The following FHIT variants were observed in gnomAD, a reference collection of about 807,000 sequenced individuals.
FHIT encodes bis(5'-adenosyl)-triphosphatase.
A neutral mutation model predicts 17.9 loss-of-function variants in FHIT; 19 were observed. The ratio of observed to expected loss-of-function variants is 1.06; its 90% CI spans 0.74 to 1.56. FHIT has a LOEUF of 1.56. Ranked by LOEUF, FHIT falls within the 40% of genes most tolerant of loss-of-function variation. FHIT has a pLI of 0.00. For missense variants in FHIT, 248 were observed against 189.2 expected, an observed-to-expected ratio of 1.31 and a Z score of -1.82; for synonymous variants, 81 against 69.7, an observed-to-expected ratio of 1.16 and a Z score of -0.81.
At chr3:59,960,224 C>T (rs1707604915) in intron 7 of FHIT, among the ~76,000 whole-genome samples, 1 of 152,144 alleles carries the variant, frequency 6.6e-6, no homozygotes, top group Non-Finnish European at 1.5e-5. Flanking sequence ...ATGCAGCAAC[C>T]TGTAACAGGT....
intron 3 of FHIT, among the ~76,000 whole-genome samples, chr3:60,942,090 TCTC>T (rs1315815801): frequency 2.6e-5 from 4 of 152,126 alleles, no homozygotes; most frequent in Non-Finnish European, 5.9e-5. Context: ...TTCAGGCAAT[TCTC>T]CTGCCTCAGC....
intron 5 of FHIT, among the ~76,000 whole-genome samples, chr3:60,244,632 G>T (rs1229018099): frequency 2.0e-5 from 3 of 151,922 alleles, no homozygotes; most frequent in African/African-American, 7.2e-5. Flanking sequence ...TCTGAATTGG[G>T]GCCTCAATGA....
intron 3 of FHIT, among the ~76,000 whole-genome samples, chr3:61,013,017 T>C (rs1260687452): frequency 6.6e-6 from 1 of 152,154 alleles, no homozygotes; most frequent in Non-Finnish European, 1.5e-5. Flanking sequence ...TTATAGTATT[T>C]AGATTCCAAA....
chr3:61,187,507 C>A (rs1009265546), intron 2 of FHIT, among the ~76,000 whole-genome samples: 6 of 152,176 alleles, frequency 3.9e-5, no homozygotes, highest in Admixed American at 6.5e-5. Context: ...CCACTGTCAA[C>A]ATCACACAGA....
intron 3 of FHIT, among the ~76,000 whole-genome samples, chr3:61,038,415 A>G (rs1048680295): frequency 2.6e-5 from 4 of 152,236 alleles, no homozygotes; most frequent in Non-Finnish European, 5.9e-5. Context: ...ACAAGTCTAC[A>G]GTGGGAATGG....
At chr3:61,147,962 CTTATT>C (rs1177681750) in intron 2 of FHIT, among the ~76,000 whole-genome samples, 1 of 151,470 alleles carries the variant, frequency 6.6e-6, no homozygotes, top group Non-Finnish European at 1.5e-5. Context: ...AAATGAACTT[CTTATT>C]TTAACTTCAG....
Position 60,971,188 on chromosome 3 carries a change from T to A in FHIT, c.-111+70859A>T, listed in dbSNP as rs147529043. On this transcript the variant is annotated intron_variant, in intron 3 of 9. Transcript: ENST00000492590. ...TTCAAGACCAGTCTGTCCAACATGG[T>A]AAAACCCTATCTCTACTAAAAAAGT... is the stretch of plus-strand genomic sequence containing the variant. Among the ~76,000 whole-genome samples, 765 of 152,126 alleles carry A rather than the reference T, an allele frequency of 5.0e-3. 7 individuals are homozygous for A. Among genetic ancestry groups the A allele is most frequent in the African/African-American group, 0.018 (727 of 41,482 alleles).
chr3:60,317,187 T>C (rs1440870049), intron 5 of FHIT, among the ~76,000 whole-genome samples: 1 of 133,974 alleles, frequency 7.5e-6, no homozygotes, highest in Non-Finnish European at 1.5e-5. Context: ...TTATATTAGT[T>C]CATATTCCTT....
intron 2 of FHIT, among the ~76,000 whole-genome samples, chr3:61,114,471 A>T (rs931678340): frequency 6.6e-6 from 1 of 152,154 alleles, no homozygotes; most frequent in Non-Finnish European, 1.5e-5. Context: ...CCACCAAGTT[A>T]TGTAACCTCA....
At chr3:61,082,896 A>G (rs1575980056) in intron 2 of FHIT, among the ~76,000 whole-genome samples, 1 of 152,112 alleles carries the variant, frequency 6.6e-6, no homozygotes, top group Non-Finnish European at 1.5e-5. Context: ...AGTACTAATC[A>G]GGCCCATCCC....
intron 5 of FHIT, among the ~76,000 whole-genome samples, chr3:60,365,328 T>C (rs1700063970): frequency 6.6e-6 from 1 of 152,070 alleles, no homozygotes; most frequent in South Asian, 2.1e-4. Context: ...TTCCCTTTAA[T>C]CACTTGATTT....
At chr3:61,199,395 T>C (rs2038950637) in intron 2 of FHIT, among the ~76,000 whole-genome samples, 1 of 152,192 alleles carries the variant, frequency 6.6e-6, no homozygotes, top group Non-Finnish European at 1.5e-5. Flanking sequence ...CAGAGACATG[T>C]AGTTGTATGG....
chr3:60,517,772 T>A (rs190331181), intron 5 of FHIT, among the ~76,000 whole-genome samples: 1 of 152,214 alleles, frequency 6.6e-6, no homozygotes, highest in Non-Finnish European at 1.5e-5. Flanking sequence ...ATTACCCCTA[T>A]GCAGGAAACA....
chr3:60,486,031 G>T (rs1022093263), intron 5 of FHIT, among the ~76,000 whole-genome samples: 3 of 152,000 alleles, frequency 2.0e-5, no homozygotes, highest in Admixed American at 2.0e-4. Context: ...AGCATGAAGT[G>T]GCACATTATA....
At position 60,996,620 on chromosome 3, in the gene FHIT, C is replaced by T. The variant is rs866898782; in HGVS notation, c.-111+45427G>A. 4.6e-5 allele frequency among the ~76,000 whole-genome samples: 7 copies of T among 152,150 alleles called. No homozygotes were observed. The South Asian group carries it at 1.5e-3, about 32-fold the overall frequency. On this transcript the variant is annotated intron_variant, in intron 3 of 9. Coordinates refer to ENST00000492590, the MANE Select transcript of FHIT (RefSeq NM_002012.4). ...AGCATTTCTAAACATTTTAGAATTA[C>T]GTGTTTGAATCCACGACCACATACT... is the stretch of plus-strand genomic sequence containing the variant.
At chr3:60,080,896 G>A (rs1200811702) in intron 5 of FHIT, 1 of 152,162 alleles carries the variant, frequency 6.6e-6, no homozygotes, top group Non-Finnish European at 1.5e-5. Flanking sequence ...ACCTTGCCAG[G>A]AAAGAGGAGG....
At chr3:60,889,166 T>G (rs900859433) in intron 3 of FHIT, among the ~76,000 whole-genome samples, 10 of 152,258 alleles carry the variant, frequency 6.6e-5, no homozygotes, top group African/African-American at 2.2e-4. Flanking sequence ...CATAACCATT[T>G]TTTTTCCCTC....
chr3:60,471,562 C>T (rs537445980), intron 5 of FHIT, among the ~76,000 whole-genome samples: 8 of 152,324 alleles, frequency 5.3e-5, no homozygotes, highest in South Asian at 2.1e-4. Flanking sequence ...TCTTTCTCCA[C>T]GTCTCATGGA....
intron 5 of FHIT, among the ~76,000 whole-genome samples, chr3:60,269,600 A>G (rs1432285314): frequency 5.9e-5 from 9 of 152,218 alleles, no homozygotes; most frequent in Non-Finnish European, 1.0e-4. Context: ...GTGCAAAGAA[A>G]TATCTTTTGA....
Sources: allele counts gnomAD v4.1 joint callset (sites outside exome capture counted in the v4.1 genomes callset), GRCh38; gene constraint gnomAD v4.1.1; transcripts MANE v1.5; gene names NCBI Gene and HGNC (gene_info 2026-07-23, HGNC 2026-07-21).